Variants in CNOT10 observed in about 807,000 individuals in gnomAD.
The protein encoded by CNOT10 is CCR4-NOT transcription complex subunit 10.
CNOT10 carries 30 observed loss-of-function variants against 94.6 expected under a neutral mutation model. The observed-to-expected ratio is 0.32, with a 90% CI of 0.24 to 0.43. The LOEUF (loss-of-function observed/expected upper bound fraction) is 0.43. Among genes scored for constraint, CNOT10 ranks in the 20% least tolerant of loss-of-function variants. The pLI is 1.00. For missense variants in CNOT10, 759 were observed against 877.2 expected (o/e 0.87, Z 1.70); for synonymous variants, 289 against 301.6 (o/e 0.96, Z 0.43).
At chr3:32,708,008 C>G (rs1697704410) in intron 3 of CNOT10, among the ~76,000 whole-genome samples, 1 of 152,110 alleles carries the variant, frequency 6.6e-6, no homozygotes, top group South Asian at 2.1e-4. Context: ...CCCTCAGCCT[C>G]CCGAGTAGCT....
chr3:32,696,956 CT>C (rs1220824270), intron 1 of CNOT10, among the ~76,000 whole-genome samples: 126 of 139,500 alleles, frequency 9.0e-4, no homozygotes, highest in Admixed American at 1.0e-3. Context: ...TTTTTCTTTT[CT>C]TTTTTTTTTT....
intron 18 of CNOT10, 27 bp from the exon 19 acceptor site, chr3:32,773,430 G>GT (rs1700996453): frequency 6.3e-7 from 1 of 1,599,428 alleles, no homozygotes; most frequent in South Asian, 1.1e-5. Context: ...TCTGTGCTTT[G>GT]TTTTTTAACG....
chr3:32,718,440 C>G (rs1037052971), intron 7 of CNOT10, among the ~76,000 whole-genome samples: 1 of 150,436 alleles, frequency 6.6e-6, no homozygotes, highest in East Asian at 2.0e-4. Context: ...AAAAATGAGC[C>G]GGGCGTGGTG....
At chr3:32,742,456 A>G (rs1699514212) in intron 13 of CNOT10, among the ~76,000 whole-genome samples, 1 of 151,952 alleles carries the variant, frequency 6.6e-6, no homozygotes, top group South Asian at 2.1e-4. Context: ...AACTCAGCTC[A>G]CTGCAACCTC....
rs115136022 is a variant in CNOT10, at chr3:32,708,938, C to T, written c.430+118C>T. The T allele has an allele frequency of 6.0e-4, 445 of 745,720 alleles. 2 individuals carry two copies. Among genetic ancestry groups the T allele is most frequent in the Middle Eastern group, 4.2e-3 (11 of 2,628 alleles). The allele number at this position is 745,720 out of a possible 1,614,324, so 46.2% of individuals were successfully genotyped here. Reference sequence around the variant, plus strand: ...TCCATGCCAGTATTCAAAGAAAAGCCGTATCAGCTTTGCTTAATGGTTAGA... The same window carrying T: ...TCCATGCCAGTATTCAAAGAAAAGCTGTATCAGCTTTGCTTAATGGTTAGA... On this transcript the variant is annotated intron_variant, in intron 4 of 18. Transcript: ENST00000328834.
At chr3:32,695,871 T>TA (rs1027351521) in intron 1 of CNOT10, 35 of 1,446,470 alleles carry the variant, frequency 2.4e-5, no homozygotes, top group Non-Finnish European at 1.0e-5. Context: ...TTTAAAACAT[T>TA]AAAAAAACTG....
chr3:32,761,586 C>T (rs1441149188), intron 14 of CNOT10, among the ~76,000 whole-genome samples: 2 of 150,774 alleles, frequency 1.3e-5, no homozygotes. Context: ...GAGACAGTTT[C>T]ACTCTGTTGC....
chr3:32,737,294 G>A (rs1699231235), intron 12 of CNOT10, 116 bp from the exon 13 acceptor site: 7 of 632,148 alleles, frequency 1.1e-5, no homozygotes, highest in Middle Eastern at 4.5e-4. Context: ...CATCCTGAGC[G>A]ACGAGCAAAA....
rs887912892 is a variant in CNOT10 at position 32,753,923 on chromosome 3, C to CACAA, written c.1596-5532_1596-5531insAACA. ...CTAAATAAATTAATTTGCTCTCACA[C>CACAA]ACACACACACACAAAATATAAAAAT... On this transcript the variant is annotated intron_variant, in intron 13 of 18. Coordinates refer to ENST00000328834, the MANE Select transcript of CNOT10 (RefSeq NM_015442.3). 4.7e-6 allele frequency: 5 copies of CACAA among 1,068,850 alleles called. No individual in the cohort carries two copies. In the African/African-American group the frequency reaches 7.9e-5, roughly 17 times the overall value. 66.2% of individuals were successfully genotyped at this position (1,068,850 alleles called of 1,614,324 possible). A position where few individuals can be genotyped will look rare whatever the true frequency, so the allele number is the denominator to read the frequency against.
At position 32,761,033 on chromosome 3, in the gene CNOT10, G is replaced by A. The variant is rs946469085; in HGVS notation, c.1709+1462G>A. 2.0e-5 allele frequency among the ~76,000 whole-genome samples: 3 copies of A among 151,806 alleles called. No individual in the cohort carries two copies. The South Asian group carries it at 6.2e-4, about 32-fold the overall frequency. The stretch of plus-strand genomic sequence containing the variant: ...AATCCCAGCTACTCGGGAGGCTGAG[G>A]CACGAGAATTGCTTGAGCCTGGGAG... On this transcript the variant is annotated intron_variant, in intron 14 of 18. Transcript: ENST00000328834.
intron 13 of CNOT10, among the ~76,000 whole-genome samples, chr3:32,748,671 G>A (rs557818809): frequency 5.5e-4 from 82 of 148,686 alleles, no homozygotes; most frequent in Middle Eastern, 3.6e-3. Context: ...CACCACACCC[G>A]ACTAATTTTT....
chr3:32,706,297 GT>G (rs1289044603), intron 3 of CNOT10, among the ~76,000 whole-genome samples: 1 of 152,124 alleles, frequency 6.6e-6, no homozygotes, highest in Non-Finnish European at 1.5e-5. Flanking sequence ...AGACAAATTT[GT>G]TTGGTTTTTG....
At chr3:32,693,152 A>G (rs1160783965) in intron 1 of CNOT10, among the ~76,000 whole-genome samples, 3 of 152,232 alleles carry the variant, frequency 2.0e-5, no homozygotes, top group Non-Finnish European at 4.4e-5. Context: ...ACCAGTTTTC[A>G]GAACAAGGAG....
chr3:32,704,586 C>T (rs557507044), intron 2 of CNOT10, among the ~76,000 whole-genome samples: 1 of 151,942 alleles, frequency 6.6e-6, no homozygotes, highest in Non-Finnish European at 1.5e-5. Context: ...ATATATGTGT[C>T]TTATATGTGT....
chr3:32,690,230 A>G (rs1696791531), intron 1 of CNOT10, among the ~76,000 whole-genome samples: 1 of 152,200 alleles, frequency 6.6e-6, no homozygotes, highest in African/African-American at 2.4e-5. Flanking sequence ...TAGCTGTACT[A>G]CTTGGTATTT....
At chr3:32,763,262 A>G (rs1003717859) in intron 15 of CNOT10, among the ~76,000 whole-genome samples, 1 of 152,172 alleles carries the variant, frequency 6.6e-6, no homozygotes, top group Non-Finnish European at 1.5e-5. Flanking sequence ...ACTTGAGCCC[A>G]AGAGTTCAAG....
chr3:32,716,340 C>T (rs1698119035), intron 6 of CNOT10, 29 bp downstream of exon 6: 2 of 1,060,372 alleles, frequency 1.9e-6, no homozygotes, highest in South Asian at 1.4e-5. Flanking sequence ...GGGGGCAATA[C>T]ATCACATATA....
chr3:32,751,142 C>T (rs181219660), intron 13 of CNOT10, among the ~76,000 whole-genome samples: 42 of 152,230 alleles, frequency 2.8e-4, no homozygotes, highest in Middle Eastern at 3.4e-3. Flanking sequence ...GCTCTGTCGC[C>T]CAGGCTAGAG....
intron 13 of CNOT10, among the ~76,000 whole-genome samples, chr3:32,748,928 TCTC>T (rs1410786349): frequency 6.6e-6 from 1 of 151,990 alleles, no homozygotes; most frequent in Non-Finnish European, 1.5e-5. Context: ...TTCAAGCAAT[TCTC>T]CTGTCTCAGC....
Sources: gnomAD v4.1 joint callset for allele counts (sites outside exome capture counted in the v4.1 genomes callset) on GRCh38, gnomAD v4.1.1 for gene constraint, MANE v1.5 for transcripts, NCBI Gene and HGNC (gene_info 2026-07-23, HGNC 2026-07-21) for gene names.